Variants in GLS observed in about 807,000 individuals in gnomAD.
The protein encoded by GLS is glutaminase kidney isoform, mitochondrial.
A neutral mutation model predicts 86.7 loss-of-function variants in GLS; 36 were observed. The ratio of observed to expected loss-of-function variants is 0.42; its 90% CI spans 0.32 to 0.55. GLS has a LOEUF of 0.55. Ranked by LOEUF, GLS falls within the 20% of genes least tolerant of loss-of-function variation. GLS has a pLI of 0.17. For synonymous variants in GLS, 317 were observed against 305.9 expected (o/e 1.04, Z -0.38); for missense variants, 528 against 833.4 (o/e 0.63, Z 4.51).
chr2:190,912,079 C>T (rs1047805093), intron 7 of GLS, among the ~76,000 whole-genome samples: 4 of 152,028 alleles, frequency 2.6e-5, no homozygotes, highest in Non-Finnish European at 4.4e-5. Flanking sequence ...CATGTTTAGT[C>T]ATGAGTCATA....
intron 17 of GLS, among the ~76,000 whole-genome samples, chr2:190,958,176 G>A (rs1012505362): frequency 3.9e-5 from 6 of 151,990 alleles, no homozygotes; most frequent in South Asian, 2.1e-4. Flanking sequence ...GGGTGTATGT[G>A]TCCAGGAATT....
rs373924171 is a variant in GLS, at chr2:190,921,097, T to C, written c.1071+41T>C. 6.3e-7 allele frequency: 1 copy of C among 1,576,646 alleles called. No homozygotes were observed. The highest frequency in any genetic ancestry group is 1.1e-5 in the South Asian group (1 of 90,176). On this transcript the variant is annotated intron_variant, in intron 8 of 17. Transcript: ENST00000320717. This position sits in a 1 kb window ranked among gnomAD's most constrained non-coding sequence, Gnocchi z 4.2. Reference sequence around the variant, plus strand: ...CATTCAGTTTTCATGCCACATTCTCTATATATTTGTTTTTTGATTACTAAT... The same window carrying C: ...CATTCAGTTTTCATGCCACATTCTCCATATATTTGTTTTTTGATTACTAAT...
At chr2:190,910,439 A>G in intron 7 of GLS, 118 bp downstream of exon 7, 1 of 585,362 alleles carries the variant, frequency 1.7e-6, no homozygotes, top group Non-Finnish European at 3.1e-6. Context: ...CTTGGTGTTA[A>G]GAAATTTGTC....
intron 7 of GLS, among the ~76,000 whole-genome samples, chr2:190,911,635 A>G (rs536165345): frequency 5.7e-4 from 87 of 152,222 alleles, no homozygotes; most frequent in Admixed American, 4.9e-3. Context: ...AGAAAATTCA[A>G]TAAATGCTGT....
chr2:190,881,116 G>T lies in GLS; in HGVS notation c.32G>T (p.Arg11Leu). 6.4e-7 allele frequency: 1 copy of T among 1,561,998 alleles called. No homozygotes were observed. The highest frequency in any genetic ancestry group is 2.4e-5 in the East Asian group (1 of 41,744). MMRLRGSGML[R>L]DLLLRSPAGV... ...CGGCTGCGAGGCTCGGGGATGCTGC[G>T]GGACCTGCTCCTGCGGTCGCCCGCC... Residue 11 changes from arginine to leucine, a missense_variant, in exon 1 of 18, where the codon CGG becomes CTG. By Grantham distance (102) the Arg-to-Leu change is moderately radical. Coordinates refer to ENST00000320717, the MANE Select transcript of GLS (RefSeq NM_014905.5).
Position 190,892,160 on chromosome 2 carries a change from T to G in GLS, c.387-2992T>G, listed in dbSNP as rs549948211. 7.9e-4 allele frequency among the ~76,000 whole-genome samples: 121 copies of G among 152,236 alleles called. 3 individuals are homozygous for G. The South Asian group carries it at 0.023, about 29-fold the overall frequency. On this transcript the variant is annotated intron_variant, in intron 1 of 17. Transcript: ENST00000320717. ...GGCATGGGATTTTTCTTCTTTTTCATTAAGAAATTATTTTTTAAGACAGTT... is the reference window on the plus strand; with the variant it reads ...GGCATGGGATTTTTCTTCTTTTTCAGTAAGAAATTATTTTTTAAGACAGTT...
At chr2:190,896,657 T>C (rs565873652) in intron 3 of GLS, 1 of 152,352 alleles carries the variant, frequency 6.6e-6, no homozygotes, top group East Asian at 1.9e-4. Flanking sequence ...CTCTGAAGTT[T>C]CCTGGCATGC....
intron 14 of GLS, among the ~76,000 whole-genome samples, chr2:190,942,402 A>C (rs1270063938): frequency 6.6e-6 from 1 of 152,124 alleles, no homozygotes; most frequent in South Asian, 2.1e-4. Context: ...ACTTTAAAAA[A>C]GGGGAGAGAA....
chr2:190,954,947 A>T lies in GLS; in HGVS notation c.1853+129A>T. ...TGCTATGATATCTTATAAAGGCAAT[A>T]AACCTTGTTTCTACTAGATAGGTAA... On this transcript the variant is annotated intron_variant, in intron 17 of 17. Transcript: ENST00000320717. The surrounding 1 kb of genome is among the most constrained non-coding windows in gnomAD (Gnocchi z 4.0). The T allele has an allele frequency of 1.5e-6, 1 of 646,326 alleles. No homozygotes were observed. Among genetic ancestry groups the T allele is most frequent in the Non-Finnish European group, 2.7e-6 (1 of 376,178 alleles). 40.0% of individuals were successfully genotyped at this position (646,326 alleles called of 1,614,324 possible).
chr2:190,894,562 A>G (rs1024066931), intron 1 of GLS, among the ~76,000 whole-genome samples: 7 of 152,136 alleles, frequency 4.6e-5, no homozygotes, highest in Non-Finnish European at 8.8e-5. Context: ...GCACTGTTTT[A>G]TTCCCTTTCT....
Position 190,881,560 on chromosome 2 carries a change from G to A in GLS, c.386+90G>A, listed in dbSNP as rs116187075. ...GGCCCTGCGGTGGGGCGGGATAGGA[G>A]CCGAGGGTCTAGAAAAGAGAAAGAA... On this transcript the variant is annotated intron_variant, in intron 1 of 17. Transcript: ENST00000320717. The A allele has an allele frequency of 5.5e-4, 676 of 1,221,388 alleles. 2 individuals are homozygous for A. The African/African-American group carries it at 9.1e-3, about 16-fold the overall frequency. The allele number at this position is 1,221,388 out of a possible 1,614,324, so 75.7% of individuals were successfully genotyped here. A position where few individuals can be genotyped will look rare whatever the true frequency, so the allele number is the denominator to read the frequency against.
intron 1 of GLS, among the ~76,000 whole-genome samples, chr2:190,891,909 G>A (rs1688575297): frequency 6.6e-6 from 1 of 151,976 alleles, no homozygotes; most frequent in African/African-American, 2.4e-5. Context: ...CCTTTGGTCT[G>A]TTTGCCAGAA....
chr2:190,934,809 C>G (rs547724525), intron 14 of GLS: 1 of 959,198 alleles, frequency 1.0e-6, no homozygotes, highest in South Asian at 4.8e-5. Flanking sequence ...ATCTAAGCTA[C>G]TGTGTTTAGA....
chr2:190,907,322 A>G (rs1199558688), intron 6 of GLS, among the ~76,000 whole-genome samples: 1 of 151,452 alleles, frequency 6.6e-6, no homozygotes, highest in African/African-American at 2.4e-5. Context: ...GCTCGGCGCA[A>G]TCTCGGCTCA....
At chr2:190,926,944 C>CT (rs750064252) in intron 11 of GLS, 92 of 160,082 alleles carry the variant, frequency 5.7e-4, no homozygotes, top group Middle Eastern at 2.8e-3. Context: ...TTTCATGGCT[C>CT]TTTTTTTTTC....
rs1690704639 is a variant in GLS at position 190,951,036 on chromosome 2, A to G, written c.1651-2529A>G. Among the ~76,000 whole-genome samples the G allele has an allele frequency of 6.6e-6, 1 of 152,180 alleles. No homozygotes were observed. The highest frequency in any genetic ancestry group is 2.4e-5 in the African/African-American group (1 of 41,442). On this transcript the variant is annotated intron_variant, in intron 14 of 17. Coordinates refer to ENST00000320717, the MANE Select transcript of GLS (RefSeq NM_014905.5). This position sits in a 1 kb window ranked among gnomAD's most constrained non-coding sequence, Gnocchi z 4.2. The stretch of plus-strand genomic sequence containing the variant: ...GCTGTAGGACTGGAGCTTAGGAGAA[A>G]GATTTAGATTAAAGATGGGGAAGTC...
rs777201058 is a variant in GLS, at chr2:190,920,972, TAACTG to T, written c.1039-51_1039-47del. The T allele has an allele frequency of 3.2e-6, 3 of 949,446 alleles. No individual in the cohort carries two copies. Among genetic ancestry groups the T allele is most frequent in the East Asian group, 2.4e-5 (1 of 41,424 alleles). The allele number at this position is 949,446 out of a possible 1,614,324, so 58.8% of individuals were successfully genotyped here. A position where few individuals can be genotyped will look rare whatever the true frequency, so the allele number is the denominator to read the frequency against. On this transcript the variant is annotated intron_variant, in intron 7 of 17. Transcript: ENST00000320717. The surrounding 1 kb of genome is among the most constrained non-coding windows in gnomAD (Gnocchi z 4.2). ...GAAATTTTGATATTGGCTTGAAACT[TAACTG>T]TAGTGGTACCTATATTAACGTATTT...
In GLS at chr2:190,923,654, G is replaced by A. The variant is rs1360618196; in HGVS notation, c.1131-263G>A. Among the ~76,000 whole-genome samples the A allele has an allele frequency of 6.6e-5, 10 of 152,228 alleles. No individual in the cohort carries two copies. The East Asian group carries it at 1.9e-3, about 29-fold the overall frequency. Reference sequence around the variant, plus strand: ...TGAGAATTTTAAAATTAGCATTTTTGTTTACAAAATATGAAGACTAGAAAG... The same window carrying A: ...TGAGAATTTTAAAATTAGCATTTTTATTTACAAAATATGAAGACTAGAAAG... On this transcript the variant is annotated intron_variant, in intron 9 of 17. Coordinates refer to ENST00000320717, the MANE Select transcript of GLS (RefSeq NM_014905.5).
At chr2:190,906,694 C>T (rs2124856887) in intron 6 of GLS, among the ~76,000 whole-genome samples, 1 of 152,260 alleles carries the variant, frequency 6.6e-6, no homozygotes, top group African/African-American at 2.4e-5. Flanking sequence ...AGCCTGTGCT[C>T]TTGAGTCCTG....
Sources: allele counts gnomAD v4.1 joint callset (sites outside exome capture counted in the v4.1 genomes callset), GRCh38; gene constraint gnomAD v4.1.1; non-coding constraint Gnocchi (gnomAD v3.1); transcripts MANE v1.5; gene names NCBI Gene and HGNC (gene_info 2026-07-23, HGNC 2026-07-21).